ALMS1: variants seen among roughly 807,000 people sequenced by gnomAD.
ALMS1 encodes the protein ALMS1 centrosome and basal body associated protein, also known as centrosome-associated protein ALMS1.
ALMS1 carries 271 observed loss-of-function variants against 352.2 expected under a neutral mutation model. That is an observed-to-expected ratio of 0.77 (90% CI 0.70 to 0.85). The LOEUF (loss-of-function observed/expected upper bound fraction) is 0.85. ALMS1 is among the 40% of genes least tolerant of loss of function. The pLI, the probability that ALMS1 is intolerant of heterozygous loss-of-function variation, is 0.00. For synonymous variants in ALMS1, 1,865 were observed against 1,761.2 expected, an observed-to-expected ratio of 1.06 and a Z score of -1.48; for missense variants, 5,445 against 4,870.7, an observed-to-expected ratio of 1.12 and a Z score of -3.51.
intron 7 of ALMS1, among the ~76,000 whole-genome samples, chr2:73,437,291 C>T (rs1054266721): frequency 6.6e-6 from 1 of 152,184 alleles, no homozygotes; most frequent in Non-Finnish European, 1.5e-5. Flanking sequence ...ATAACACACC[C>T]CTTCTCTATG....
At chr2:73,475,305 A>G (rs925415471) in intron 9 of ALMS1, among the ~76,000 whole-genome samples, 2 of 152,256 alleles carry the variant, frequency 1.3e-5, no homozygotes, top group Admixed American at 1.3e-4. Context: ...AGGAACTTCT[A>G]AACTTTTTTC....
chr2:73,557,489 T>C (rs1674571503), intron 14 of ALMS1, 135 bp downstream of exon 14: 9 of 1,127,660 alleles, frequency 8.0e-6, no homozygotes, highest in African/African-American at 4.7e-5. Flanking sequence ...CTCATGTATA[T>C]ATGAAATAGT....
At chr2:73,416,409 A>T (rs1168562745) in intron 2 of ALMS1, among the ~76,000 whole-genome samples, 2 of 152,102 alleles carry the variant, frequency 1.3e-5, no homozygotes, top group African/African-American at 4.8e-5. Context: ...ATTCTAGAAT[A>T]TTTCTCTCCA....
At chr2:73,415,959 TA>T (rs886347360) in intron 2 of ALMS1, among the ~76,000 whole-genome samples, 18 of 152,140 alleles carry the variant, frequency 1.2e-4, no homozygotes, top group African/African-American at 4.3e-4. Context: ...TCCGTGAAGT[TA>T]AAAAATTATT....
intron 15 of ALMS1, among the ~76,000 whole-genome samples, chr2:73,570,166 C>T (rs570365756): frequency 1.3e-5 from 2 of 152,246 alleles, no homozygotes; most frequent in African/African-American, 2.4e-5. Flanking sequence ...GTGCCATTCA[C>T]AGAGATGTGG....
chr2:73,510,218 G>A (rs1299223682), intron 10 of ALMS1, among the ~76,000 whole-genome samples: 1 of 152,118 alleles, frequency 6.6e-6, no homozygotes, highest in Non-Finnish European at 1.5e-5. Flanking sequence ...GCCTACTTCT[G>A]TCAATTTGTC....
chr2:73,486,071 TC>T (rs1267167599), intron 9 of ALMS1, among the ~76,000 whole-genome samples: 1 of 152,030 alleles, frequency 6.6e-6, no homozygotes, highest in African/African-American at 2.4e-5. Flanking sequence ...CCGGAGCTGT[TC>T]CTATTCGGCC....
chr2:73,603,847 G>A (rs138634444), intron 21 of ALMS1: 3,505 of 153,268 alleles, frequency 0.023, 45 homozygotes, highest in Non-Finnish European at 0.035. Flanking sequence ...GCGACAGAAC[G>A]AGACTCCATC....
intron 10 of ALMS1, among the ~76,000 whole-genome samples, chr2:73,497,765 C>T (rs1228752977): frequency 6.6e-6 from 1 of 151,874 alleles, no homozygotes; most frequent in Non-Finnish European, 1.5e-5. Context: ...GTATATATAC[C>T]ACATTTTCTT....
intron 9 of ALMS1, among the ~76,000 whole-genome samples, chr2:73,489,029 A>AT (rs2103887706): frequency 6.6e-6 from 1 of 152,254 alleles, no homozygotes; most frequent in African/African-American, 2.4e-5. Context: ...CTGTTCCTTG[A>AT]TGTCATCCAG....
At chr2:73,556,402 A>G (rs1488248077) in intron 13 of ALMS1, among the ~76,000 whole-genome samples, 1 of 152,208 alleles carries the variant, frequency 6.6e-6, no homozygotes, top group Non-Finnish European at 1.5e-5. Context: ...TGATCAAAAA[A>G]GTAGAAAAGA....
intron 18 of ALMS1, 121 bp downstream of exon 18, chr2:73,601,002 T>A (rs1675672527): frequency 7.1e-7 from 1 of 1,402,426 alleles, no homozygotes; most frequent in East Asian, 2.4e-5. Flanking sequence ...GCCACAACCT[T>A]GTCAGGTTTT....
Position 73,452,750 on chromosome 2 carries a change from T to G in ALMS1, c.6223T>G (p.Ser2075Ala). 6.2e-7 allele frequency: 1 copy of G among 1,613,502 alleles called. No homozygotes were observed. The highest frequency in any genetic ancestry group is 1.1e-5 in the South Asian group (1 of 91,084). Residue 2075 changes from serine (S) to alanine (A), a missense_variant, in exon 8 of 23, where the codon TCA (serine) becomes GCA (alanine). Ser to Ala is a moderately conservative substitution (Grantham distance 99). Transcript: ENST00000613296. ...TCAAAGTAAAGGTATTCTAAAGATT[T>G]CAGCTGTCCCTGAACTAACTGATGT... Reference protein sequence around the residue: ...RDQSKGILKISAVPELTDVNT... With the variant: ...RDQSKGILKIAAVPELTDVNT...
In ALMS1 at chr2:73,408,733, T is replaced by G; in HGVS notation, c.436T>G (p.Ser146Ala). ...VCLETTAQRGSGDDQKTESWH... is the reference protein window; with the variant it reads ...VCLETTAQRGAGDDQKTESWH... ...TTTGGAAACAACAGCTCAGCGGGGTTCTGGGGATGATCAGGTATGTCTTCT... is the reference window on the plus strand; with the variant it reads ...TTTGGAAACAACAGCTCAGCGGGGTGCTGGGGATGATCAGGTATGTCTTCT... Residue 146 changes from serine to alanine, a missense_variant, in exon 2 of 23, where the codon TCT (serine) becomes GCT (alanine). Physicochemically the swap from Ser to Ala is moderately conservative, Grantham distance 99. Transcript: ENST00000613296. The G allele has an allele frequency of 6.2e-7, 1 of 1,613,594 alleles. No individual in the cohort carries two copies.
At chr2:73,604,014 A>G (rs1675758726) in intron 21 of ALMS1, 1 of 152,328 alleles carries the variant, frequency 6.6e-6, no homozygotes. Context: ...TTTTTAAAAG[A>G]TTAAAATTTC....
intron 7 of ALMS1, among the ~76,000 whole-genome samples, chr2:73,441,118 A>G (rs1421384062): frequency 6.6e-6 from 1 of 152,196 alleles, no homozygotes; most frequent in African/African-American, 2.4e-5. Flanking sequence ...AACTGGTGTC[A>G]GTGGGTCACC....
At chr2:73,447,361 C>T (rs367812930) in intron 7 of ALMS1, among the ~76,000 whole-genome samples, 22 of 152,088 alleles carry the variant, frequency 1.4e-4, no homozygotes, top group Non-Finnish European at 2.5e-4. Flanking sequence ...TAAAACTCTT[C>T]AGAGTAACCT....
intron 10 of ALMS1, among the ~76,000 whole-genome samples, chr2:73,501,184 C>T: frequency 6.6e-6 from 1 of 152,184 alleles, no homozygotes; most frequent in African/African-American, 2.4e-5. Flanking sequence ...TTATTTGTCT[C>T]AGTATTATAG....
In ALMS1 at chr2:73,451,682, A is replaced by G. The variant is rs1438158545; in HGVS notation, c.5155A>G (p.Ile1719Val). 3 of 1,613,870 alleles carry G rather than the reference A, an allele frequency of 1.9e-6. No individual in the cohort carries two copies. The highest frequency in any genetic ancestry group is 2.7e-5 in the African/African-American group (2 of 74,866). The change falls in exon 8 of 23, where the codon ATT (isoleucine) becomes GTT (valine). Residue 1719 changes from isoleucine to valine, a missense_variant. Ile to Val is a conservative substitution (Grantham distance 29, BLOSUM62 3). Transcript: ENST00000613296. The stretch of plus-strand genomic sequence containing the variant: ...TTTATACTCATATAGAGAGAAGCCC[A>G]TTGTCTTCTACCAACAGGCCCTGCC... ...SSLYSYREKP[I>V]VFYQQALPDS...
Sources: gnomAD v4.1 joint callset for allele counts (sites outside exome capture counted in the v4.1 genomes callset) on GRCh38, gnomAD v4.1.1 for gene constraint, MANE v1.5 for transcripts, NCBI Gene and HGNC (gene_info 2026-07-23, HGNC 2026-07-21) for gene names.